Variants in ZNF880 observed in about 807,000 individuals in gnomAD.
ZNF880 encodes zinc finger protein LOC400713.
Under a neutral mutation model 11.8 loss-of-function variants are expected in ZNF880, and 12 were observed. The ratio of observed to expected loss-of-function variants is 1.02; its 90% CI spans 0.65 to 1.65. ZNF880 has a LOEUF of 1.65. Ranked by LOEUF, ZNF880 falls within the 40% of genes most tolerant of loss-of-function variation. The probability of loss-of-function intolerance (pLI) is 0.00; values close to 1 mark genes in which losing one functional copy is unlikely to be tolerated. For missense variants in ZNF880, 601 were observed against 673.9 expected, an observed-to-expected ratio of 0.89 and a Z score of 1.20; for synonymous variants, 210 against 232.4, an observed-to-expected ratio of 0.90 and a Z score of 0.88.
At chr19:52,376,496 G>C (rs2560896) in intron 3 of ZNF880, among the ~76,000 whole-genome samples, 19 of 51,214 alleles carry the variant, frequency 3.7e-4, no homozygotes, top group East Asian at 1.0e-3. Context: ...CCTTAGCACC[G>C]CCCCCCCCCC....
the ZNF880 span, among the ~76,000 whole-genome samples, chr19:52,395,203 C>T: frequency 9.0e-3 from 1,377 of 152,304 alleles, 24 homozygotes; most frequent in African/African-American, 0.031. Flanking sequence ...TCAGACACCA[C>T]ACCCAGCCTG....
In ZNF880 at chr19:52,372,713, A is replaced by G. The variant is rs144333591; in HGVS notation, c.13-398A>G. The stretch of plus-strand genomic sequence containing the variant: ...TCAGGAGATCGAGACCATCCTGTGT[A>G]ACATGGTGAAACCGCATCTCTACTA... On this transcript the variant is annotated intron_variant, in intron 1 of 3. Coordinates refer to ENST00000422689, the MANE Select transcript of ZNF880 (RefSeq NM_001145434.2). Among the ~76,000 whole-genome samples the G allele has an allele frequency of 4.2e-3, 633 of 150,556 alleles. 11 individuals carry two copies. The East Asian group carries it at 0.064, about 15-fold the overall frequency.
Position 52,383,935 on chromosome 19 carries a change from C to A in ZNF880, c.355C>A (p.Leu119Met). The A allele has an allele frequency of 6.4e-7, 1 of 1,559,260 alleles. No homozygotes were observed. The highest frequency in any genetic ancestry group is 8.7e-7 in the Non-Finnish European group (1 of 1,150,866). The change falls in exon 4 of 4, where the codon CTG (leucine) becomes ATG (methionine). Residue 119 changes from leucine to methionine, a missense_variant. Leu to Met is a conservative substitution (Grantham distance 15). Coordinates refer to ENST00000422689, the MANE Select transcript of ZNF880 (RefSeq NM_001145434.2). The part of the protein sequence containing the change: ...GLTFQLHLSE[L>M]QLFQAERNIS... ...AACCTTTCAGTTACATCTGAGTGAA[C>A]TGCAGCTATTTCAAGCTGAAAGGAA...
At chr19:52,370,302 C>A (rs1986327146) in intron 1 of ZNF880, 1 of 375,530 alleles carries the variant, frequency 2.7e-6, no homozygotes, top group Non-Finnish European at 4.9e-6. Flanking sequence ...CCACGTCTTT[C>A]CGGTCCCCCA....
chr19:52,367,798 TTTC>T (rs1431185979), upstream of ZNF880: 2 of 151,928 alleles, frequency 1.3e-5, no homozygotes, highest in African/African-American at 4.9e-5. Flanking sequence ...TACATGCCTC[TTTC>T]TTGTGTGCCA....
At chr19:52,394,517 G>A in the ZNF880 span, among the ~76,000 whole-genome samples, 27 of 152,266 alleles carry the variant, frequency 1.8e-4, no homozygotes, top group Non-Finnish European at 2.2e-4. Context: ...TTACAGGCAC[G>A]AGCCACCATG....
At chr19:52,381,847 G>C (rs1001410374) in intron 3 of ZNF880, among the ~76,000 whole-genome samples, 2 of 151,860 alleles carry the variant, frequency 1.3e-5, no homozygotes, top group Non-Finnish European at 2.9e-5. Flanking sequence ...GTACAGAAAG[G>C]TCTACTTCAC....
In ZNF880 at chr19:52,374,308, TTCCTGACCTGAG is replaced by T; in HGVS notation, c.151_162del (p.Pro51_Ser54del). ...TTCTTTTTTTAAATAGGAATCTGTC[TTCCTGACCTGAG>T]TGTTATCTCCATGTTGGAGCAAAGG... is the stretch of plus-strand genomic sequence containing the variant. On this transcript the variant is annotated inframe_deletion, in exon 3 of 4. Transcript: ENST00000422689. The T allele has an allele frequency of 4.3e-6, 7 of 1,613,416 alleles. No homozygotes were observed. The South Asian group carries it at 7.7e-5, about 18-fold the overall frequency.
At chr19:52,382,480 C>T (rs1986734070) in intron 3 of ZNF880, among the ~76,000 whole-genome samples, 1 of 152,112 alleles carries the variant, frequency 6.6e-6, no homozygotes, top group African/African-American at 2.4e-5. Context: ...TACTAATGCA[C>T]TCCCTCAGCT....
rs1253936851 is a variant in ZNF880, at chr19:52,384,943, C to CA, written c.1364dup (p.Arg456GlufsTer12). On this transcript the variant is annotated frameshift_variant, in exon 4 of 4. Coordinates refer to ENST00000422689, the MANE Select transcript of ZNF880 (RefSeq NM_001145434.2). LOFTEE classifies it low-confidence loss of function (END_TRUNC). ...GCATAGATTATCCCTAAGCAATCATCAGAGATTTCATACTGGAGAGAAACC... is the reference window on the plus strand; with the variant it reads ...GCATAGATTATCCCTAAGCAATCATCAAGAGATTTCATACTGGAGAGAAACC... 1 of 1,582,916 alleles carries CA rather than the reference C, an allele frequency of 6.3e-7. No homozygotes were observed. Among genetic ancestry groups the CA allele is most frequent in the African/African-American group, 1.3e-5 (1 of 74,146 alleles).
chr19:52,379,346 A>AT (rs1986643530), intron 3 of ZNF880: 1 of 405,378 alleles, frequency 2.5e-6, no homozygotes, highest in Non-Finnish European at 4.8e-6. Context: ...ATTAAATAAT[A>AT]TTTTTGTCAG....
the ZNF880 span, among the ~76,000 whole-genome samples, chr19:52,394,317 C>A: frequency 1.3e-5 from 2 of 152,130 alleles, no homozygotes; most frequent in African/African-American, 4.8e-5. Context: ...GCTACTGCAA[C>A]CTGTGTCCTG....
At chr19:52,373,281 A>AT in intron 2 of ZNF880, 44 bp downstream of exon 2, 1 of 1,572,382 alleles carries the variant, frequency 6.4e-7, no homozygotes, top group Non-Finnish European at 8.6e-7. Context: ...GCCCTGGTGT[A>AT]TTTTTGCATT....
At chr19:52,390,459 A>T (rs960921327), downstream of ZNF880, 1 of 271,866 alleles carries the variant, frequency 3.7e-6, no homozygotes, top group African/African-American at 2.3e-5. Flanking sequence ...CCTTCTCCTG[A>T]TATCGAGTGT....
intron 3 of ZNF880, 25 bp from the exon 4 acceptor site, chr19:52,383,824 T>C: frequency 6.7e-7 from 1 of 1,500,704 alleles, no homozygotes; most frequent in African/African-American, 1.4e-5. Context: ...TGGGTTGAAG[T>C]TCCACTTTTT....
In ZNF880 at chr19:52,371,382, TCTTTGTCACCCAGGCTGGAGTCTCG is replaced by T. The variant is rs1476687483; in HGVS notation, c.12+1427_12+1451del. On this transcript the variant is annotated intron_variant, in intron 1 of 3. Transcript: ENST00000422689. ...TTTTCTTTTTCTGAGATGGAGTCTC[TCTTTGTCACCCAGGCTGGAGTCTCG>T]CTTTGTCACCCAGGCTGGAGTGCAG... Among the ~76,000 whole-genome samples the T allele has an allele frequency of 1.9e-3, 296 of 151,998 alleles. 1 individual carries two copies. The highest frequency in any genetic ancestry group is 6.8e-3 in the African/African-American group (282 of 41,442).
At chr19:52,375,663 TCCC>T (rs1986532423) in intron 3 of ZNF880, among the ~76,000 whole-genome samples, 1 of 151,814 alleles carries the variant, frequency 6.6e-6, no homozygotes, top group Non-Finnish European at 1.5e-5. Flanking sequence ...TCCCACCTTT[TCCC>T]CCAAGACCCC....
At chr19:52,368,616 T>A (rs62108313), upstream of ZNF880, among the ~76,000 whole-genome samples, 1 of 151,422 alleles carries the variant, frequency 6.6e-6, no homozygotes, top group African/African-American at 2.4e-5. Flanking sequence ...AGGGTAGGGC[T>A]GGGGCGGGGA....
Position 52,374,432 on chromosome 19 carries a change from G to C in ZNF880, c.268+5G>C. ...GCATCAAAGGTGTGAACGCAGGTAA[G>C]AGCTTGGATGGCCAGAGTGGAGGCC... On this transcript the variant is annotated splice_donor_5th_base_variant and intron_variant, in intron 3 of 3. Coordinates refer to ENST00000422689, the MANE Select transcript of ZNF880 (RefSeq NM_001145434.2). 2 of 1,609,750 alleles carry C rather than the reference G, an allele frequency of 1.2e-6. No individual in the cohort carries two copies. The highest frequency in any genetic ancestry group is 4.5e-5 in the East Asian group (2 of 44,788).
Sources: allele counts gnomAD v4.1 joint callset (sites outside exome capture counted in the v4.1 genomes callset), GRCh38; gene constraint gnomAD v4.1.1; transcripts MANE v1.5; gene names NCBI Gene and HGNC (gene_info 2026-07-23, HGNC 2026-07-21).